The following SMURF1 variants were observed in gnomAD, a reference collection of about 807,000 sequenced individuals.
SMURF1 encodes the protein SMAD specific E3 ubiquitin protein ligase 1.
SMURF1 carries 44 observed loss-of-function variants against 98.0 expected under a neutral mutation model. The observed-to-expected ratio is 0.45, with a 90% CI of 0.35 to 0.58. The LOEUF (loss-of-function observed/expected upper bound fraction) is 0.58, where lower values mean the gene tolerates loss of function less well. SMURF1 is among the 20% of genes least tolerant of loss of function. The pLI, the probability that SMURF1 is intolerant of heterozygous loss-of-function variation, is 0.00. For missense variants in SMURF1, 687 were observed against 938.4 expected (o/e 0.73, Z 3.50); for synonymous variants, 396 against 374.9 (o/e 1.06, Z -0.65).
chr7:99,094,342 TTAAATAAC>T (rs1260497874), intron 1 of SMURF1, among the ~76,000 whole-genome samples: 3 of 152,004 alleles, frequency 2.0e-5, no homozygotes, highest in African/African-American at 7.2e-5. Flanking sequence ...AACTTAAATT[TTAAATAAC>T]TCCACAGGTA....
intron 16 of SMURF1, among the ~76,000 whole-genome samples, chr7:99,034,899 A>G (rs1177662013): frequency 1.3e-5 from 2 of 152,206 alleles, no homozygotes; most frequent in African/African-American, 2.4e-5. Flanking sequence ...CAGCATTTAC[A>G]GTCCAATCAG....
chr7:99,046,552 A>G (rs1166129702), intron 10 of SMURF1, among the ~76,000 whole-genome samples: 1 of 151,012 alleles, frequency 6.6e-6, no homozygotes, highest in Non-Finnish European at 1.5e-5. Context: ...ACATGGTGAA[A>G]CCCCCCCATC....
chr7:99,125,947 C>T (rs1423928017), intron 1 of SMURF1, among the ~76,000 whole-genome samples: 1 of 152,242 alleles, frequency 6.6e-6, no homozygotes, highest in Non-Finnish European at 1.5e-5. Context: ...TGCAAAGCAG[C>T]CAGACTCATG....
intron 1 of SMURF1, among the ~76,000 whole-genome samples, chr7:99,127,943 T>A (rs1386071630): frequency 6.6e-6 from 1 of 152,234 alleles, no homozygotes; most frequent in East Asian, 1.9e-4. Flanking sequence ...AACTGTCTCC[T>A]TTTGAGAATA....
chr7:99,129,779 C>A (rs1245263919), intron 1 of SMURF1, among the ~76,000 whole-genome samples: 1 of 152,204 alleles, frequency 6.6e-6, no homozygotes, highest in Non-Finnish European at 1.5e-5. Flanking sequence ...CTTCATCATT[C>A]CACCTTGCTG....
At chr7:99,039,705 G>A (rs1795299705) in intron 13 of SMURF1, among the ~76,000 whole-genome samples, 1 of 152,122 alleles carries the variant, frequency 6.6e-6, no homozygotes. Context: ...AGAGTCCCCT[G>A]TTCAAGTTGG....
chr7:99,129,851 G>A (rs1287848862), intron 1 of SMURF1, among the ~76,000 whole-genome samples: 2 of 152,154 alleles, frequency 1.3e-5, no homozygotes, highest in Non-Finnish European at 2.9e-5. Context: ...ACACAGGTTC[G>A]AACTTCAGCG....
At chr7:99,135,943 A>G (rs1415144138) in intron 1 of SMURF1, among the ~76,000 whole-genome samples, 1 of 152,236 alleles carries the variant, frequency 6.6e-6, no homozygotes, top group Non-Finnish European at 1.5e-5. Flanking sequence ...CTTCTAGATG[A>G]AAAATTGTTT....
At chr7:99,072,640 T>C (rs1165386954) in intron 1 of SMURF1, among the ~76,000 whole-genome samples, 1 of 151,758 alleles carries the variant, frequency 6.6e-6, no homozygotes, top group Admixed American at 6.6e-5. Context: ...AAATTCTATG[T>C]CAAAAAAAGA....
rs538912846 is a variant in SMURF1, at chr7:99,029,124, C to CCATT, written c.*1456_*1459dup. 1.8e-3 allele frequency: 280 copies of CCATT among 152,846 alleles called. 1 individual carries two copies. Among genetic ancestry groups the CCATT allele is most frequent in the Non-Finnish European group, 2.7e-3 (187 of 68,096 alleles). 9.5% of individuals were successfully genotyped at this position (152,846 alleles called of 1,614,324 possible). On this transcript the variant is annotated 3_prime_UTR_variant, in exon 18 of 18. Coordinates refer to ENST00000361368, the MANE Select transcript of SMURF1 (RefSeq NM_181349.3). ...ACAGTGACAAAAAGAACAGATAAAA[C>CCATT]CATTGTCCACAAGGTCCTTCCCAGG... is the stretch of plus-strand genomic sequence containing the variant.
chr7:99,033,096 C>T lies in SMURF1; in HGVS notation c.2037G>A (p.Arg679=). 1 of 1,588,094 alleles carries T rather than the reference C, an allele frequency of 6.3e-7. No homozygotes were observed. Among genetic ancestry groups the T allele is most frequent in the Non-Finnish European group, 8.6e-7 (1 of 1,166,466 alleles). ...LQGSTGAAGP[R]LFTIHLIDAN... ...CGTCTATCAGGTGGATGGTGAACAG[C>T]CGGGGCCCTGCCGCGCCTGTAGAAC... Residue 679 remains arginine, a synonymous_variant, in exon 17 of 18, where the codon CGG becomes CGA. Transcript: ENST00000361368.
At position 99,040,284 on chromosome 7, in the gene SMURF1, T is replaced by TAC. The variant is rs376005010; in HGVS notation, c.1550+92_1550+93dup. 256 of 1,251,436 alleles carry TAC rather than the reference T, an allele frequency of 2.0e-4. 1 individual carries two copies. The Admixed American group carries it at 3.0e-3, about 15-fold the overall frequency. 77.5% of individuals were successfully genotyped at this position (1,251,436 alleles called of 1,614,324 possible). ...AATGGCTTCACACACATCCCCAAAA[T>TAC]ACACACACACGCGCGCGCGCGCGCA... On this transcript the variant is annotated intron_variant, in intron 13 of 17. Transcript: ENST00000361368.
intron 1 of SMURF1, among the ~76,000 whole-genome samples, chr7:99,064,056 T>TA (rs1165084595): frequency 2.6e-5 from 4 of 152,224 alleles, no homozygotes; most frequent in Admixed American, 2.6e-4. Context: ...TGTCTATTGA[T>TA]ACGGTGCGTG....
intron 1 of SMURF1, among the ~76,000 whole-genome samples, chr7:99,104,279 C>T (rs1314772194): frequency 6.6e-6 from 1 of 152,184 alleles, no homozygotes; most frequent in Non-Finnish European, 1.5e-5. Flanking sequence ...ATAGAGGTAA[C>T]ATATGCTCAT....
intron 1 of SMURF1, among the ~76,000 whole-genome samples, chr7:99,116,552 G>C (rs1210131361): frequency 6.6e-6 from 1 of 152,160 alleles, no homozygotes; most frequent in Non-Finnish European, 1.5e-5. Flanking sequence ...AAAATCAGCT[G>C]TATTTCAATA....
intron 1 of SMURF1, among the ~76,000 whole-genome samples, chr7:99,092,605 G>A (rs1017612421): frequency 6.6e-6 from 1 of 152,154 alleles, no homozygotes; most frequent in African/African-American, 2.4e-5. Context: ...TTTTTCACAT[G>A]TCTGTGCTTT....
At chr7:99,097,567 C>T (rs769553727) in intron 1 of SMURF1, among the ~76,000 whole-genome samples, 25 of 152,272 alleles carry the variant, frequency 1.6e-4, no homozygotes, top group Non-Finnish European at 1.8e-4. Context: ...TATGGAATGA[C>T]GCCACAAGAA....
chr7:99,132,180 A>G (rs1797884809), intron 1 of SMURF1, among the ~76,000 whole-genome samples: 1 of 152,208 alleles, frequency 6.6e-6, no homozygotes, highest in African/African-American at 2.4e-5. Flanking sequence ...CCTGGCTGAC[A>G]ACAACCTGTA....
chr7:99,132,162 AC>A (rs1382258684), intron 1 of SMURF1, among the ~76,000 whole-genome samples: 1 of 151,960 alleles, frequency 6.6e-6, no homozygotes, highest in Non-Finnish European at 1.5e-5. Flanking sequence ...AGTCAAAGAA[AC>A]CCCAAGCCTG....
Sources: allele counts gnomAD v4.1 joint callset (sites outside exome capture counted in the v4.1 genomes callset), GRCh38; gene constraint gnomAD v4.1.1; transcripts MANE v1.5; gene names NCBI Gene and HGNC (gene_info 2026-07-23, HGNC 2026-07-21).